The following PCNT variants were observed in gnomAD, a reference collection of about 807,000 sequenced individuals.
The protein encoded by PCNT is pericentrin.
A neutral mutation model predicts 380.4 loss-of-function variants in PCNT; 319 were observed. That is an observed-to-expected ratio of 0.84 (90% CI 0.77 to 0.92). PCNT has a LOEUF of 0.92. Ranked by LOEUF, PCNT falls within the 40% of genes least tolerant of loss-of-function variation. PCNT has a pLI of 0.00. For synonymous variants in PCNT, 1,845 were observed against 1,735.2 expected, an observed-to-expected ratio of 1.06 and a Z score of -1.57; for missense variants, 4,400 against 4,255.3, an observed-to-expected ratio of 1.03 and a Z score of -0.95.
In PCNT at chr21:46,399,810, A is replaced by C; in HGVS notation, c.4791+14A>C. The C allele has an allele frequency of 1.1e-5, 17 of 1,611,390 alleles. No homozygotes were observed. The highest frequency in any genetic ancestry group is 1.3e-5 in the African/African-American group (1 of 74,982). ...GGGCTGGAACAGGTAAAGCGTCTCC[A>C]TGTTGTGGTTGGGCACGTGGTGAGG... On this transcript the variant is annotated intron_variant, in intron 25 of 46. Transcript: ENST00000359568.
At chr21:46,359,480 G>GTTTTTTTTTGTTTTTTTTT (rs2084611533) in intron 13 of PCNT, among the ~76,000 whole-genome samples, 1 of 65,732 alleles carries the variant, frequency 1.5e-5, no homozygotes, top group Non-Finnish European at 3.4e-5. Flanking sequence ...AAATACACCT[G>GTTTTTTTTTGTTTTTTTTT]TTTTTTTTTT....
chr21:46,434,814 G>A (rs957548648), intron 38 of PCNT, among the ~76,000 whole-genome samples: 1 of 152,222 alleles, frequency 6.6e-6, no homozygotes, highest in African/African-American at 2.4e-5. Flanking sequence ...AAATGTGCCT[G>A]TCTGTGTCTA....
In PCNT at chr21:46,416,384, C is replaced by A. The variant is rs1294697637; in HGVS notation, c.6466C>A (p.Pro2156Thr). Reference protein sequence around the residue: ...AIDACDANTTPGGVTDVIKNW... With the variant: ...AIDACDANTTTGGVTDVIKNW... ...AGACGCGTGTGATGCCAATACAACCCCAGGGGGTGTAACTGATGTTATCAA... is the reference window on the plus strand; with the variant it reads ...AGACGCGTGTGATGCCAATACAACCACAGGGGGTGTAACTGATGTTATCAA... The change falls in exon 30 of 47, where the codon CCA (proline) becomes ACA (threonine). Residue 2156 changes from proline to threonine, a missense_variant. Pro to Thr is a conservative substitution (Grantham distance 38, BLOSUM62 -1). Transcript: ENST00000359568. 1 of 1,614,024 alleles carries A rather than the reference C, an allele frequency of 6.2e-7. No individual in the cohort carries two copies. Among genetic ancestry groups the A allele is most frequent in the Admixed American group, 1.7e-5 (1 of 60,006 alleles).
At position 46,388,246 on chromosome 21, in the gene PCNT, G is replaced by A. The variant is rs1453821563; in HGVS notation, c.3465-496G>A. Among the ~76,000 whole-genome samples, 2 of 151,214 alleles carry A rather than the reference G, an allele frequency of 1.3e-5. No homozygotes were observed. Among genetic ancestry groups the A allele is most frequent in the Non-Finnish European group, 1.5e-5 (1 of 67,864 alleles). On this transcript the variant is annotated intron_variant, in intron 17 of 46. Coordinates refer to ENST00000359568, the MANE Select transcript of PCNT (RefSeq NM_006031.6). This position sits in a 1 kb window ranked among gnomAD's most constrained non-coding sequence, Gnocchi z 4.2. ...AAGACAGAAGCATCCCAGACCGCACGTCCACGAGGCCTAGCGAGAGGCTGG... is the reference window on the plus strand; with the variant it reads ...AAGACAGAAGCATCCCAGACCGCACATCCACGAGGCCTAGCGAGAGGCTGG...
intron 13 of PCNT, among the ~76,000 whole-genome samples, chr21:46,360,239 T>A (rs1024789453): frequency 2.1e-5 from 3 of 143,346 alleles, no homozygotes; most frequent in Non-Finnish European, 4.6e-5. Flanking sequence ...TTTTTTTTTT[T>A]AAAGACGGAA....
rs1479527482 is a variant in PCNT at position 46,435,909 on chromosome 21, A to G, written c.8757A>G (p.Glu2919=). The change falls in exon 39 of 47, where the codon GAA becomes GAG. Residue 2919 remains glutamate, a synonymous_variant. Transcript: ENST00000359568. ...CTTTTTTCTGTTAACAACAGCGAGAATTAGAACTGCAGCGTCAGCGTGACT... is the reference window on the plus strand; with the variant it reads ...CTTTTTTCTGTTAACAACAGCGAGAGTTAGAACTGCAGCGTCAGCGTGACT... ...KWQRDKEKLR[E]LELQRQRDLH... is the part of the protein sequence containing the mutation. The G allele has an allele frequency of 6.2e-7, 1 of 1,614,176 alleles. No individual in the cohort carries two copies.
Position 46,427,671 on chromosome 21 carries a change from T to C in PCNT, c.7370T>C (p.Val2457Ala). 1.2e-6 allele frequency: 2 copies of C among 1,613,970 alleles called. No individual in the cohort carries two copies. Among genetic ancestry groups the C allele is most frequent in the Non-Finnish European group, 1.7e-6 (2 of 1,180,016 alleles). Residue 2457 changes from valine to alanine, a missense_variant, in exon 34 of 47, where the codon GTG (valine) becomes GCG (alanine). Physicochemically the swap from Val to Ala is moderately conservative, Grantham distance 64. Coordinates refer to ENST00000359568, the MANE Select transcript of PCNT (RefSeq NM_006031.6). ...TGGAGAGGGGACCTTCTGCAGGTTG[T>C]GCAAGAGGCCTTTGAAAAAGAGCAG... ...PDWRGDLLQVVQEAFEKEQEM... is the reference protein window; with the variant it reads ...PDWRGDLLQVAQEAFEKEQEM...
intron 1 of PCNT, 113 bp downstream of exon 1, chr21:46,324,395 C>T: frequency 1.1e-6 from 1 of 929,196 alleles, no homozygotes; most frequent in Non-Finnish European, 1.7e-6. Flanking sequence ...GAAGCCGCCG[C>T]GGAGGTCTCG....
At position 46,346,167 on chromosome 21, in the gene PCNT, G is replaced by A; in HGVS notation, c.679G>A (p.Glu227Lys). 6.2e-7 allele frequency: 1 copy of A among 1,614,014 alleles called. No homozygotes were observed. Among genetic ancestry groups the A allele is most frequent in the East Asian group, 2.2e-5 (1 of 44,878 alleles). ...QECELAITDLESGREDEAGLH... is the reference protein window; with the variant it reads ...QECELAITDLKSGREDEAGLH... ...ATGTGAACTTGCCATTACTGACCTG[G>A]AGAGCGGCCGTGAAGATGAGGCTGG... The change falls in exon 4 of 47, where the codon GAG (glutamate) becomes AAG (lysine). Residue 227 changes from glutamate to lysine, a missense_variant. Transcript: ENST00000359568.
chr21:46,444,951 A>G, intron 46 of PCNT, 130 bp downstream of exon 46: 1 of 859,058 alleles, frequency 1.2e-6, no homozygotes, highest in Non-Finnish European at 1.9e-6. Flanking sequence ...CAGTGTCACT[A>G]ATAGTATTAG....
In PCNT at chr21:46,383,333, C is replaced by T. The variant is rs896044848; in HGVS notation, c.3312+1493C>T. On this transcript the variant is annotated intron_variant, in intron 16 of 46. Transcript: ENST00000359568. ...GGTGTTGTGCGTTCAGTGGCAGAAG[C>T]ACATTCACGGTGTGCATTCAGTGGC... Among the ~76,000 whole-genome samples the T allele has an allele frequency of 6.3e-5, 8 of 126,434 alleles. 1 individual carries two copies. Among genetic ancestry groups the T allele is most frequent in the South Asian group, 2.9e-4 (1 of 3,476 alleles). 82.9% of individuals were successfully genotyped at this position (126,434 alleles called of 152,430 possible).
rs1028365505 is a variant in PCNT at position 46,367,136 on chromosome 21, C to T, written c.3162C>T (p.His1054=). The T allele has an allele frequency of 7.4e-6, 12 of 1,611,636 alleles. No homozygotes were observed. The highest frequency in any genetic ancestry group is 3.3e-5 in the Admixed American group (2 of 59,982). The change falls in exon 15 of 47, where the codon CAC becomes CAT. Residue 1054 remains histidine (H), a synonymous_variant. Coordinates refer to ENST00000359568, the MANE Select transcript of PCNT (RefSeq NM_006031.6). ...TGGCTCACGAGCTGCAGGGAGTGCA[C>T]CAGGTAAGGCGCCAGGGCCCTGCCC... ...GTVAHELQGV[H]QGEFGSEKKT...
At chr21:46,435,311 T>C (rs1334069862) in intron 38 of PCNT, among the ~76,000 whole-genome samples, 6 of 151,428 alleles carry the variant, frequency 4.0e-5, no homozygotes, top group Non-Finnish European at 7.4e-5. Flanking sequence ...CTGTAACCTC[T>C]ACCTTCTAGG....
chr21:46,403,322 A>G (rs2086496519), intron 27 of PCNT, among the ~76,000 whole-genome samples: 1 of 140,732 alleles, frequency 7.1e-6, no homozygotes, highest in Admixed American at 7.1e-5. Context: ...AGCGTGGGAG[A>G]ATTGTGTGTG....
At chr21:46,436,268 C>G (rs1340499095) in intron 39 of PCNT, 120 bp downstream of exon 39, 8 of 1,144,666 alleles carry the variant, frequency 7.0e-6, no homozygotes, top group East Asian at 5.1e-5. Flanking sequence ...ACTTAACGCT[C>G]TAGTCCTCTT....
rs587784323 is a variant in PCNT, at chr21:46,443,849, G to A, written c.9740G>A (p.Arg3247Lys). The A allele has an allele frequency of 2.5e-6, 4 of 1,613,454 alleles. No homozygotes were observed. Among genetic ancestry groups the A allele is most frequent in the Non-Finnish European group, 3.4e-6 (4 of 1,179,982 alleles). The change falls in exon 45 of 47, where the codon AGA (arginine) becomes AAA (lysine). Residue 3247 changes from arginine to lysine, a missense_variant. Transcript: ENST00000359568. Reference sequence around the variant, plus strand: ...CAGCCGCAGTCTCCACCCAGAACCAGAGAGTCCCCCCCAACCCGGGATGTA... The same window carrying A: ...CAGCCGCAGTCTCCACCCAGAACCAAAGAGTCCCCCCCAACCCGGGATGTA... ...ARQPQSPPRT[R>K]ESPPTRDVPS...
intron 33 of PCNT, among the ~76,000 whole-genome samples, chr21:46,426,376 C>T (rs2087506333): frequency 6.6e-6 from 1 of 152,104 alleles, no homozygotes; most frequent in South Asian, 2.1e-4. Context: ...GTCCAAGAAC[C>T]CTGGGGAGGC....
intron 15 of PCNT, among the ~76,000 whole-genome samples, chr21:46,372,196 A>T (rs1015363984): frequency 6.6e-6 from 1 of 150,578 alleles, no homozygotes. Context: ...CACAGCACAC[A>T]CACAGAGAGC....
rs1328466074 is a variant in PCNT, at chr21:46,388,898, G to A, written c.3607+14G>A. ...CCCTGTCGACAGGTGAGTGTGCCGG[G>A]ACCAGCTGCCCAGCCCTGTGCTTGC... On this transcript the variant is annotated intron_variant, in intron 18 of 46. Coordinates refer to ENST00000359568, the MANE Select transcript of PCNT (RefSeq NM_006031.6). This position sits in a 1 kb window ranked among gnomAD's most constrained non-coding sequence, Gnocchi z 4.2. The A allele has an allele frequency of 6.3e-7, 1 of 1,587,200 alleles. No individual in the cohort carries two copies. Among genetic ancestry groups the A allele is most frequent in the African/African-American group, 1.3e-5 (1 of 74,668 alleles).
Sources: allele counts gnomAD v4.1 joint callset (sites outside exome capture counted in the v4.1 genomes callset), GRCh38; gene constraint gnomAD v4.1.1; non-coding constraint Gnocchi (gnomAD v3.1); transcripts MANE v1.5; gene names NCBI Gene and HGNC (gene_info 2026-07-23, HGNC 2026-07-21).